Variants in HEPHL1 observed in about 807,000 individuals in gnomAD.
HEPHL1 encodes the protein hephaestin like 1, also known as ferroxidase HEPHL1.
HEPHL1 carries 123 observed loss-of-function variants against 122.0 expected under a neutral mutation model. That is an observed-to-expected ratio of 1.01 (90% CI 0.87 to 1.17). The LOEUF is 1.17. HEPHL1 is among the 50% of genes most tolerant of loss of function. The pLI is 0.00. For missense variants in HEPHL1, 1,452 were observed against 1,430.5 expected (o/e 1.01, Z -0.24); for synonymous variants, 527 against 508.9 (o/e 1.04, Z -0.48).
chr11:94,084,371 A>AATAAATAT (rs1245654309), intron 10 of HEPHL1, among the ~76,000 whole-genome samples: 1 of 148,714 alleles, frequency 6.7e-6, no homozygotes, highest in Non-Finnish European at 1.5e-5. Flanking sequence ...TAAATAAATA[A>AATAAATAT]ATAAATATAT....
intron 16 of HEPHL1, 106 bp downstream of exon 16, chr11:94,104,856 A>G (rs1305493408): frequency 1.2e-6 from 1 of 866,498 alleles, no homozygotes; most frequent in Non-Finnish European, 1.8e-6. Context: ...CCTCCTTCCC[A>G]GGGGCACCTG....
chr11:94,083,433 C>A (rs551191806), intron 10 of HEPHL1, among the ~76,000 whole-genome samples: 1 of 152,196 alleles, frequency 6.6e-6, no homozygotes, highest in Non-Finnish European at 1.5e-5. Context: ...GATGTCATTA[C>A]TCTTAGGCAT....
At chr11:94,073,254 T>C in intron 7 of HEPHL1, 54 bp from the exon 8 acceptor site, 2 of 1,606,836 alleles carry the variant, frequency 1.2e-6, no homozygotes, top group Non-Finnish European at 1.7e-6. Context: ...TCTGCTTTAC[T>C]TCTTTCTGTC....
chr11:94,075,168 C>T lies in HEPHL1; in HGVS notation c.1505-6C>T. 1.2e-6 allele frequency: 2 copies of T among 1,610,432 alleles called. No individual in the cohort carries two copies. The highest frequency in any genetic ancestry group is 1.1e-5 in the South Asian group (1 of 90,512). On this transcript the variant is annotated splice_region_variant and splice_polypyrimidine_tract_variant and intron_variant, in intron 8 of 19. Coordinates refer to ENST00000315765, the MANE Select transcript of HEPHL1 (RefSeq NM_001098672.2). Reference sequence around the variant, plus strand: ...TTTTGAATAATTGTTTTGTTTATATCCTCAGGATTTGTGAAACCAGGGGCG... The same window carrying T: ...TTTTGAATAATTGTTTTGTTTATATTCTCAGGATTTGTGAAACCAGGGGCG...
chr11:94,086,789 T>C (rs1286878169), intron 11 of HEPHL1, among the ~76,000 whole-genome samples: 1 of 152,154 alleles, frequency 6.6e-6, no homozygotes, highest in Non-Finnish European at 1.5e-5. Flanking sequence ...TCCAAGCTAA[T>C]GAGATAATTG....
chr11:94,073,203 G>GA, intron 7 of HEPHL1, 39 bp downstream of exon 7: 2 of 1,611,042 alleles, frequency 1.2e-6, no homozygotes, highest in Non-Finnish European at 1.7e-6. Context: ...AACCCAGGGA[G>GA]ATGTTTTAGC....
rs900771378 is a variant in HEPHL1, at chr11:94,022,751, T to G, written c.170+1213T>G. On this transcript the variant is annotated intron_variant, in intron 1 of 19. Coordinates refer to ENST00000315765, the MANE Select transcript of HEPHL1 (RefSeq NM_001098672.2). ...CATCTGCTGACCATTGGTGGTAGTG[T>G]CTTTACTGTGATGAATAGCTATGGG... Among the ~76,000 whole-genome samples, 5 of 152,320 alleles carry G rather than the reference T, an allele frequency of 3.3e-5. No individual in the cohort carries two copies. The South Asian group carries it at 1.0e-3, about 32-fold the overall frequency.
chr11:94,109,138 T>G (rs1946429883), intron 17 of HEPHL1, among the ~76,000 whole-genome samples: 1 of 152,150 alleles, frequency 6.6e-6, no homozygotes, highest in Non-Finnish European at 1.5e-5. Flanking sequence ...TAAATGATAG[T>G]GTTTTTATTT....
chr11:94,108,650 A>G (rs1379752800), intron 17 of HEPHL1, among the ~76,000 whole-genome samples: 1 of 151,872 alleles, frequency 6.6e-6, no homozygotes, highest in African/African-American at 2.4e-5. Flanking sequence ...CATTGAAAAG[A>G]TCATCTTTTT....
chr11:94,059,259 A>G (rs1945964199), intron 2 of HEPHL1, among the ~76,000 whole-genome samples: 1 of 152,186 alleles, frequency 6.6e-6, no homozygotes, highest in Admixed American at 6.6e-5. Context: ...CAATTGTGCA[A>G]TATCCCACCA....
In HEPHL1 at chr11:94,054,808, G is replaced by A. The variant is rs137965773; in HGVS notation, c.416-8700G>A. 3.5e-4 allele frequency among the ~76,000 whole-genome samples: 54 copies of A among 152,312 alleles called. No homozygotes were observed. The East Asian group carries it at 6.2e-3, about 17-fold the overall frequency. On this transcript the variant is annotated intron_variant, in intron 2 of 19. Transcript: ENST00000315765. ...CTGCATAGGCACTTGGGAATTTTTC[G>A]TAGGGGAGTAGATAAAAAAGTCTTT...
chr11:94,102,431 AG>A (rs1946374842), intron 14 of HEPHL1, among the ~76,000 whole-genome samples: 1 of 152,114 alleles, frequency 6.6e-6, no homozygotes, highest in Non-Finnish European at 1.5e-5. Context: ...TGCCCACTTG[AG>A]AAGCTTTTAA....
intron 2 of HEPHL1, among the ~76,000 whole-genome samples, chr11:94,062,459 G>T (rs1945993656): frequency 6.6e-6 from 1 of 152,064 alleles, no homozygotes; most frequent in African/African-American, 2.4e-5. Flanking sequence ...TCTTTGCTTT[G>T]GTTTGTCTTG....
At chr11:94,103,638 T>C (rs1946387096) in intron 15 of HEPHL1, among the ~76,000 whole-genome samples, 1 of 152,204 alleles carries the variant, frequency 6.6e-6, no homozygotes, top group Non-Finnish European at 1.5e-5. Flanking sequence ...GGTATGTGTA[T>C]GTAAAACAAC....
At chr11:94,061,888 C>G (rs1427134211) in intron 2 of HEPHL1, among the ~76,000 whole-genome samples, 1 of 151,964 alleles carries the variant, frequency 6.6e-6, no homozygotes, top group African/African-American at 2.4e-5. Flanking sequence ...CAAAAAGTTC[C>G]TTTCTCTTAA....
At chr11:94,107,114 T>A (rs1946415397) in intron 17 of HEPHL1, among the ~76,000 whole-genome samples, 1 of 152,182 alleles carries the variant, frequency 6.6e-6, no homozygotes, top group South Asian at 2.1e-4. Flanking sequence ...TACAAGGAAG[T>A]GGAATAGAAA....
chr11:94,083,542 T>C (rs555212286), intron 10 of HEPHL1, among the ~76,000 whole-genome samples: 3 of 152,208 alleles, frequency 2.0e-5, no homozygotes, highest in African/African-American at 4.8e-5. Flanking sequence ...AGACAACAGG[T>C]GCTAACCTGC....
At chr11:94,022,527 C>T (rs773724700) in intron 1 of HEPHL1, among the ~76,000 whole-genome samples, 3 of 152,304 alleles carry the variant, frequency 2.0e-5, no homozygotes, top group East Asian at 1.9e-4. Flanking sequence ...TGAGGAAAGA[C>T]CAAAGATCCA....
intron 1 of HEPHL1, among the ~76,000 whole-genome samples, chr11:94,033,114 G>A (rs1394765454): frequency 7.9e-5 from 12 of 152,090 alleles, no homozygotes; most frequent in East Asian, 1.9e-4. Context: ...CAAGTCGCCC[G>A]CTTGGCCCTC....
Sources: gnomAD v4.1 joint callset for allele counts (sites outside exome capture counted in the v4.1 genomes callset) on GRCh38, gnomAD v4.1.1 for gene constraint, MANE v1.5 for transcripts, NCBI Gene and HGNC (gene_info 2026-07-23, HGNC 2026-07-21) for gene names.